The following BCKDHB variants were observed in gnomAD, a reference collection of about 807,000 sequenced individuals.
BCKDHB encodes the protein branched chain keto acid dehydrogenase E1 subunit beta.
In BCKDHB, 41 loss-of-function variants were observed where a neutral mutation model predicts 48.5. That is an observed-to-expected ratio of 0.85 (90% CI 0.66 to 1.10). The LOEUF is 1.10. Among genes scored for constraint, BCKDHB ranks in the 50% least tolerant of loss-of-function variants. The pLI is 0.00. For synonymous variants in BCKDHB, 201 were observed against 174.8 expected, an observed-to-expected ratio of 1.15 and a Z score of -1.18; for missense variants, 496 against 494.2, an observed-to-expected ratio of 1.00 and a Z score of -0.03.
intron 3 of BCKDHB, among the ~76,000 whole-genome samples, chr6:80,148,136 C>T (rs1462107101): frequency 6.6e-6 from 1 of 152,080 alleles, no homozygotes; most frequent in African/African-American, 2.4e-5. Context: ...TTCTTTAGTT[C>T]TGAAATGCTT....
chr6:80,455,741 T>C, the BCKDHB span, among the ~76,000 whole-genome samples: 1 of 152,082 alleles, frequency 6.6e-6, no homozygotes, highest in Non-Finnish European at 1.5e-5. Context: ...CTTAAAATCC[T>C]TAATGTTTTA....
chr6:80,202,495 G>C (rs1484057385), intron 7 of BCKDHB, among the ~76,000 whole-genome samples: 5 of 151,996 alleles, frequency 3.3e-5, no homozygotes, highest in Admixed American at 6.6e-5. Context: ...GTAGCTGTGA[G>C]TTCTATTCCC....
the BCKDHB span, among the ~76,000 whole-genome samples, chr6:80,421,247 G>T: frequency 3.9e-5 from 6 of 152,070 alleles, no homozygotes; most frequent in African/African-American, 1.4e-4. Context: ...TGAAAAAGGG[G>T]CCTACTTCCC....
At chr6:80,232,507 A>G (rs1775969822) in intron 8 of BCKDHB, among the ~76,000 whole-genome samples, 2 of 151,510 alleles carry the variant, frequency 1.3e-5, no homozygotes, top group Non-Finnish European at 2.9e-5. Flanking sequence ...TTTGAATAGT[A>G]GAATCCCCCT....
intron 9 of BCKDHB, among the ~76,000 whole-genome samples, chr6:80,282,414 T>C (rs1766373811): frequency 6.6e-6 from 1 of 151,958 alleles, no homozygotes; most frequent in African/African-American, 2.4e-5. Flanking sequence ...TCAAGAATTC[T>C]AGGAATCCTC....
intron 9 of BCKDHB, among the ~76,000 whole-genome samples, chr6:80,300,049 T>G (rs1301246124): frequency 6.6e-6 from 1 of 150,884 alleles, no homozygotes; most frequent in African/African-American, 2.5e-5. Context: ...CAAGAGCCAC[T>G]AGTCTTTTTT....
intron 6 of BCKDHB, among the ~76,000 whole-genome samples, chr6:80,171,734 T>C (rs1475905108): frequency 2.0e-5 from 3 of 152,124 alleles, no homozygotes; most frequent in Admixed American, 6.5e-5. Flanking sequence ...TCCTTTTAAC[T>C]AAAGTGACCA....
At chr6:80,134,101 A>G (rs1479135691) in intron 3 of BCKDHB, among the ~76,000 whole-genome samples, 2 of 152,122 alleles carry the variant, frequency 1.3e-5, no homozygotes, top group African/African-American at 2.4e-5. Flanking sequence ...GGTTTAAGGT[A>G]TGTTTGTAAC....
chr6:80,256,197 T>C (rs972908772), intron 8 of BCKDHB, among the ~76,000 whole-genome samples: 16 of 152,210 alleles, frequency 1.1e-4, no homozygotes, highest in African/African-American at 3.6e-4. Flanking sequence ...TTTCTTTGTA[T>C]ATACACAGTA....
the BCKDHB span, among the ~76,000 whole-genome samples, chr6:80,394,987 G>A: frequency 6.6e-6 from 1 of 152,132 alleles, no homozygotes; most frequent in South Asian, 2.1e-4. Context: ...GAAGGAGGAC[G>A]TGTTTGTTTC....
intron 9 of BCKDHB, among the ~76,000 whole-genome samples, chr6:80,283,648 T>A (rs550826637): frequency 3.3e-5 from 5 of 152,258 alleles, no homozygotes; most frequent in Middle Eastern, 3.4e-3. Flanking sequence ...TGGTCCCTTT[T>A]TGTTGTTTTT....
intron 8 of BCKDHB, among the ~76,000 whole-genome samples, chr6:80,253,857 A>G (rs1776936745): frequency 1.3e-5 from 2 of 152,160 alleles, no homozygotes; most frequent in Admixed American, 1.3e-4. Flanking sequence ...TAGCTTTTAT[A>G]GGCCACTAAT....
rs543210820 is a variant in BCKDHB, at chr6:80,243,733, A to G, written c.952-29402A>G. Among the ~76,000 whole-genome samples the G allele has an allele frequency of 5.6e-4, 85 of 152,196 alleles. 1 individual carries two copies. The highest frequency in any genetic ancestry group is 2.0e-3 in the African/African-American group (81 of 41,520). ...TACCTTTTTGTAGGGATAGTGTCTC[A>G]TGGTGTTGCCCAAACTGGTCTTGAA... On this transcript the variant is annotated intron_variant, in intron 8 of 9. Transcript: ENST00000320393.
At chr6:80,205,688 T>C (rs1471375932) in intron 8 of BCKDHB, among the ~76,000 whole-genome samples, 10 of 152,036 alleles carry the variant, frequency 6.6e-5, no homozygotes, top group Admixed American at 2.6e-4. Flanking sequence ...CACTCAATTC[T>C]GAACTTGATA....
the BCKDHB span, among the ~76,000 whole-genome samples, chr6:80,370,894 G>C: frequency 0.054 from 8,181 of 151,860 alleles, 613 homozygotes; most frequent in African/African-American, 0.16. Flanking sequence ...ATTGATTGAT[G>C]GGGATTTGGG....
intron 1 of BCKDHB, among the ~76,000 whole-genome samples, chr6:80,112,437 C>T (rs1308220700): frequency 6.6e-6 from 1 of 152,188 alleles, no homozygotes; most frequent in Non-Finnish European, 1.5e-5. Context: ...AACAGCAGCA[C>T]AAAAGCCTGG....
At chr6:80,194,310 A>G (rs1040726158) in intron 6 of BCKDHB, among the ~76,000 whole-genome samples, 1 of 152,200 alleles carries the variant, frequency 6.6e-6, no homozygotes, top group Non-Finnish European at 1.5e-5. Context: ...ATTCATATGT[A>G]CCTTTCACTC....
At chr6:80,391,207 A>G in the BCKDHB span, among the ~76,000 whole-genome samples, 1 of 108,190 alleles carries the variant, frequency 9.2e-6, no homozygotes, top group Non-Finnish European at 2.2e-5. Flanking sequence ...GTCTCCTATT[A>G]GTTCTGTTCC....
At chr6:80,365,812 A>G in the BCKDHB span, among the ~76,000 whole-genome samples, 2 of 152,226 alleles carry the variant, frequency 1.3e-5, no homozygotes, top group Non-Finnish European at 1.5e-5. Context: ...ATAAATGTCC[A>G]TGAATCTTCA....
Sources: allele counts gnomAD v4.1 joint callset (sites outside exome capture counted in the v4.1 genomes callset), GRCh38; gene constraint gnomAD v4.1.1; transcripts MANE v1.5; gene names NCBI Gene and HGNC (gene_info 2026-07-23, HGNC 2026-07-21).